The following PTPRG variants were observed in gnomAD, a reference collection of about 807,000 sequenced individuals.
PTPRG encodes receptor-type tyrosine-protein phosphatase gamma.
PTPRG carries 102 observed loss-of-function variants against 165.3 expected under a neutral mutation model. The observed-to-expected ratio is 0.62, with a 90% CI of 0.53 to 0.73. The LOEUF (loss-of-function observed/expected upper bound fraction) is 0.73, where lower values mean the gene tolerates loss of function less well. Among genes scored for constraint, PTPRG ranks in the 30% least tolerant of loss-of-function variants. The pLI is 0.00. For missense variants in PTPRG, 1,866 were observed against 1,861.4 expected (o/e 1.00, Z -0.05); for synonymous variants, 675 against 669.5 (o/e 1.01, Z -0.13).
chr3:61,829,183 T>G (rs1015318264), intron 2 of PTPRG, among the ~76,000 whole-genome samples: 1 of 152,236 alleles, frequency 6.6e-6, no homozygotes, highest in Non-Finnish European at 1.5e-5. Flanking sequence ...GCGAAGTAAA[T>G]GTCTCTGTGG....
intron 2 of PTPRG, among the ~76,000 whole-genome samples, chr3:61,871,170 GTTATGTTATGTTATGTTATGTTATGTTA>G (rs2037567576): frequency 1.8e-3 from 119 of 66,422 alleles, no homozygotes; most frequent in African/African-American, 5.4e-3. Context: ...GTTGTGTTAT[GTTATGTTATGTTATGTTATGTTATGTTA>G]TGTTATGTTA....
intron 2 of PTPRG, among the ~76,000 whole-genome samples, chr3:61,927,318 C>A (rs1030389525): frequency 5.3e-5 from 8 of 152,284 alleles, no homozygotes; most frequent in African/African-American, 1.9e-4. Context: ...TCTTGGACAA[C>A]AGCTCTGTGC....
intron 1 of PTPRG, among the ~76,000 whole-genome samples, chr3:61,699,898 CA>C (rs1359544087): frequency 2.6e-5 from 4 of 152,142 alleles, no homozygotes; most frequent in Admixed American, 6.5e-5. Context: ...AGGTTAAATA[CA>C]AAAGGAGACT....
At chr3:61,683,517 C>T (rs1481134249) in intron 1 of PTPRG, among the ~76,000 whole-genome samples, 1 of 152,340 alleles carries the variant, frequency 6.6e-6, no homozygotes, top group East Asian at 1.9e-4. Flanking sequence ...CTTAACAGCT[C>T]CCTCATCCTT....
intron 1 of PTPRG, among the ~76,000 whole-genome samples, chr3:61,720,643 G>A (rs1450320641): frequency 1.3e-5 from 2 of 152,178 alleles, no homozygotes; most frequent in African/African-American, 4.8e-5. Context: ...GATGAGGTTT[G>A]GATGGCAAGA....
chr3:61,697,841 T>C (rs1478236228), intron 1 of PTPRG, among the ~76,000 whole-genome samples: 1 of 152,200 alleles, frequency 6.6e-6, no homozygotes, highest in Non-Finnish European at 1.5e-5. Context: ...ATGACTCCTG[T>C]ACTTATGCCT....
At chr3:61,890,505 A>T (rs1167240280) in intron 2 of PTPRG, among the ~76,000 whole-genome samples, 5 of 149,098 alleles carry the variant, frequency 3.4e-5, no homozygotes, top group African/African-American at 1.0e-4. Flanking sequence ...TTGAGCAAAG[A>T]TGCCTGGAAG....
chr3:62,095,403 C>T lies in PTPRG; in HGVS notation c.615+17145C>T, dbSNP rs76452918. ...TACAAATGACAGCAGTTAGAGGTTA[C>T]ACCAGTAGAGGAGATCACGTACCAT... On this transcript the variant is annotated intron_variant, in intron 5 of 29. Coordinates refer to ENST00000474889, the MANE Select transcript of PTPRG (RefSeq NM_002841.4). Among the ~76,000 whole-genome samples the T allele has an allele frequency of 2.6e-5, 4 of 152,316 alleles. No individual in the cohort carries two copies. The East Asian group carries it at 7.7e-4, about 29-fold the overall frequency.
chr3:61,861,008 A>T (rs942903161), intron 2 of PTPRG, among the ~76,000 whole-genome samples: 6 of 152,086 alleles, frequency 3.9e-5, no homozygotes, highest in African/African-American at 1.4e-4. Context: ...TTTATCCTGC[A>T]TTTCTAAAAC....
intron 2 of PTPRG, among the ~76,000 whole-genome samples, chr3:61,949,151 A>G (rs2039836386): frequency 6.6e-6 from 1 of 152,180 alleles, no homozygotes; most frequent in Non-Finnish European, 1.5e-5. Context: ...TTAGTAGAGT[A>G]TGACCTGATG....
intron 26 of PTPRG, among the ~76,000 whole-genome samples, chr3:62,281,166 GAATT>G (rs1702418074): frequency 6.6e-6 from 1 of 151,978 alleles, no homozygotes; most frequent in Non-Finnish European, 1.5e-5. Flanking sequence ...TTCAACTACA[GAATT>G]ATTAACATAA....
intron 1 of PTPRG, among the ~76,000 whole-genome samples, chr3:61,593,886 C>A (rs1700634247): frequency 6.6e-6 from 1 of 152,072 alleles, no homozygotes; most frequent in Admixed American, 6.6e-5. Context: ...TGGAAAGATA[C>A]ACAGATCTGT....
intron 2 of PTPRG, among the ~76,000 whole-genome samples, chr3:61,758,488 G>A (rs2033712639): frequency 6.6e-6 from 1 of 152,102 alleles, no homozygotes; most frequent in African/African-American, 2.4e-5. Flanking sequence ...GTTTCACTGT[G>A]TTGCCCAGGC....
rs76915619 is a variant in PTPRG at position 62,223,363 on chromosome 3, C to T, written c.2288+4380C>T. 5.4e-4 allele frequency among the ~76,000 whole-genome samples: 83 copies of T among 152,318 alleles called. No individual in the cohort carries two copies. The East Asian group carries it at 0.015, about 28-fold the overall frequency. On this transcript the variant is annotated intron_variant, in intron 13 of 29. Transcript: ENST00000474889. ...GGAGCATGTGTTCCTACCAGCAGTGCTGTCATCTCTAAGGTGTGAATTTGT... is the reference window on the plus strand; with the variant it reads ...GGAGCATGTGTTCCTACCAGCAGTGTTGTCATCTCTAAGGTGTGAATTTGT...
At chr3:61,728,995 G>A (rs965279556) in intron 1 of PTPRG, among the ~76,000 whole-genome samples, 2 of 152,008 alleles carry the variant, frequency 1.3e-5, no homozygotes, top group Admixed American at 6.6e-5. Flanking sequence ...TTGGGAGGTT[G>A]AGGCTGCAGT....
At chr3:61,564,330 C>T (rs1046899230) in intron 1 of PTPRG, among the ~76,000 whole-genome samples, 12 of 152,074 alleles carry the variant, frequency 7.9e-5, no homozygotes, top group Non-Finnish European at 1.6e-4. Flanking sequence ...AGAGGAATTT[C>T]CAATTCCACT....
chr3:61,695,384 C>T (rs2030511642), intron 1 of PTPRG, among the ~76,000 whole-genome samples: 1 of 152,150 alleles, frequency 6.6e-6, no homozygotes, highest in Non-Finnish European at 1.5e-5. Flanking sequence ...TGGCTTGAGG[C>T]TCCTGATGTC....
chr3:62,127,568 G>T (rs1703341515), intron 5 of PTPRG, among the ~76,000 whole-genome samples: 1 of 152,192 alleles, frequency 6.6e-6, no homozygotes, highest in South Asian at 2.1e-4. Context: ...TTCACCCTCA[G>T]CATGCATAAA....
intron 3 of PTPRG, among the ~76,000 whole-genome samples, chr3:61,992,858 G>A (rs2040930945): frequency 6.6e-6 from 1 of 152,082 alleles, no homozygotes; most frequent in African/African-American, 2.4e-5. Flanking sequence ...GTAGAGACAA[G>A]GTTTTGCCAC....
Sources: allele counts gnomAD v4.1 joint callset (sites outside exome capture counted in the v4.1 genomes callset), GRCh38; gene constraint gnomAD v4.1.1; transcripts MANE v1.5; gene names NCBI Gene and HGNC (gene_info 2026-07-23, HGNC 2026-07-21).